The following ZFPM2 variants were observed in gnomAD, a reference collection of about 807,000 sequenced individuals.
ZFPM2 encodes the protein zinc finger protein, FOG family member 2.
In ZFPM2, 20 loss-of-function variants were observed where a neutral mutation model predicts 98.6. That is an observed-to-expected ratio of 0.20 (90% CI 0.14 to 0.29). ZFPM2 has a LOEUF of 0.29. Among genes scored for constraint, ZFPM2 ranks in the 10% least tolerant of loss-of-function variants. ZFPM2 has a pLI of 1.00. For missense variants in ZFPM2, 1,310 were observed against 1,388.6 expected, an observed-to-expected ratio of 0.94 and a Z score of 0.90; for synonymous variants, 518 against 502.7, an observed-to-expected ratio of 1.03 and a Z score of -0.41.
At chr8:105,724,851 T>C (rs1480905992) in intron 5 of ZFPM2, among the ~76,000 whole-genome samples, 1 of 151,726 alleles carries the variant, frequency 6.6e-6, no homozygotes, top group East Asian at 1.9e-4. Flanking sequence ...TTTCTTAATT[T>C]TTTCTATTTC....
chr8:105,439,172 A>G (rs1321384590), intron 2 of ZFPM2, among the ~76,000 whole-genome samples: 1 of 152,214 alleles, frequency 6.6e-6, no homozygotes, highest in Non-Finnish European at 1.5e-5. Flanking sequence ...ATGTAAGGAC[A>G]ATACAGTTAA....
At chr8:105,723,898 C>T (rs964303535) in intron 5 of ZFPM2, among the ~76,000 whole-genome samples, 4 of 151,634 alleles carry the variant, frequency 2.6e-5, no homozygotes, top group African/African-American at 9.7e-5. Flanking sequence ...GACAGATATT[C>T]TTTCTCCTCA....
intron 4 of ZFPM2, among the ~76,000 whole-genome samples, chr8:105,633,350 A>T (rs1393256561): frequency 7.2e-5 from 11 of 152,284 alleles, no homozygotes; most frequent in African/African-American, 2.2e-4. Flanking sequence ...CAGAACATGG[A>T]CTGGAGAACG....
intron 3 of ZFPM2, among the ~76,000 whole-genome samples, chr8:105,546,596 A>C (rs1258604302): frequency 6.6e-6 from 1 of 151,748 alleles, no homozygotes; most frequent in African/African-American, 2.4e-5. Context: ...AAACCCAAAA[A>C]CCACTAAGAT....
At chr8:105,505,939 TC>T (rs1055692729) in intron 3 of ZFPM2, among the ~76,000 whole-genome samples, 3 of 125,912 alleles carry the variant, frequency 2.4e-5, no homozygotes, top group African/African-American at 1.2e-4. Context: ...ATATTGTAAC[TC>T]TTTTTTTAAC....
rs1810850916 is a variant in ZFPM2 at position 105,380,730 on chromosome 8, T to TATATATTATATATATATATTATATATAAC, written c.41-38397_41-38396insATTATATATAACATATATTATATATATAT. ...ATATATATATATATTATATATAACATATATATTATATATATATGTTATATA... is the reference window on the plus strand; with the variant it reads ...ATATATATATATATTATATATAACATATATATTATATATATATATTATATATAACATATATTATATATATATGTTATATA... On this transcript the variant is annotated intron_variant, in intron 1 of 7. Transcript: ENST00000407775. 1.1e-3 allele frequency among the ~76,000 whole-genome samples: 47 copies of TATATATTATATATATATATTATATATAAC among 43,890 alleles called. 4 individuals carry two copies. Among genetic ancestry groups the TATATATTATATATATATATTATATATAAC allele is most frequent in the Non-Finnish European group, 1.5e-3 (42 of 28,488 alleles). The allele number at this position is 43,890 out of a possible 152,430, so 28.8% of individuals were successfully genotyped here.
At chr8:105,625,031 A>G (rs1816626182) in intron 4 of ZFPM2, among the ~76,000 whole-genome samples, 1 of 152,186 alleles carries the variant, frequency 6.6e-6, no homozygotes, top group East Asian at 1.9e-4. Context: ...CTTACAGGAT[A>G]TTTTGTAGAA....
At chr8:105,565,729 C>G (rs1427506939) in intron 4 of ZFPM2, among the ~76,000 whole-genome samples, 1 of 152,100 alleles carries the variant, frequency 6.6e-6, no homozygotes, top group Non-Finnish European at 1.5e-5. Context: ...TGGAAGTGAA[C>G]CCATTGAAAT....
chr8:105,521,317 T>C (rs765348705), intron 3 of ZFPM2, among the ~76,000 whole-genome samples: 3 of 141,830 alleles, frequency 2.1e-5, no homozygotes, highest in Non-Finnish European at 3.0e-5. Context: ...ACCAATAATA[T>C]AGCTCCAGAT....
At chr8:105,619,027 G>A (rs1816476142) in intron 4 of ZFPM2, among the ~76,000 whole-genome samples, 1 of 152,040 alleles carries the variant, frequency 6.6e-6, no homozygotes, top group African/African-American at 2.4e-5. Flanking sequence ...GAGGTGCATG[G>A]ATTAAACCAA....
At chr8:105,358,592 G>T (rs1175473530) in intron 1 of ZFPM2, 1 of 152,216 alleles carries the variant, frequency 6.6e-6, no homozygotes, top group Non-Finnish European at 1.5e-5. Context: ...CAGAATCTCT[G>T]TGTGTGGATC....
At chr8:105,395,431 A>T (rs1811200563) in intron 1 of ZFPM2, among the ~76,000 whole-genome samples, 1 of 152,156 alleles carries the variant, frequency 6.6e-6, no homozygotes, top group African/African-American at 2.4e-5. Flanking sequence ...AGATGGTAGG[A>T]TCCACATTTT....
At chr8:105,555,560 G>A (rs190419711) in intron 3 of ZFPM2, among the ~76,000 whole-genome samples, 18 of 152,148 alleles carry the variant, frequency 1.2e-4, no homozygotes, top group African/African-American at 3.1e-4. Context: ...CAAATATCAT[G>A]TGTCACAAAC....
chr8:105,460,201 C>G (rs77111883), intron 3 of ZFPM2, among the ~76,000 whole-genome samples: 2,853 of 152,208 alleles, frequency 0.019, 104 homozygotes, highest in Admixed American at 0.11. Flanking sequence ...GAAAGGTTTT[C>G]AATAGTGACA....
chr8:105,490,406 G>T (rs552682246), intron 3 of ZFPM2, among the ~76,000 whole-genome samples: 138 of 152,222 alleles, frequency 9.1e-4, no homozygotes, highest in African/African-American at 3.0e-3. Context: ...GCTATATGGA[G>T]TTATTTCTAC....
intron 5 of ZFPM2, among the ~76,000 whole-genome samples, chr8:105,653,783 A>G (rs1447767881): frequency 1.3e-5 from 2 of 149,674 alleles, no homozygotes; most frequent in East Asian, 2.0e-4. Flanking sequence ...GCATGAGCGT[A>G]TCATAAAGGA....
intron 5 of ZFPM2, 79 bp from the exon 6 acceptor site, chr8:105,788,639 G>A: frequency 7.4e-7 from 1 of 1,357,030 alleles, no homozygotes; most frequent in Non-Finnish European, 1.1e-6. Flanking sequence ...ATGAGAAGGT[G>A]CTATGGACAT....
At chr8:105,382,424 A>C (rs563320911) in intron 1 of ZFPM2, among the ~76,000 whole-genome samples, 1 of 152,246 alleles carries the variant, frequency 6.6e-6, no homozygotes, top group Admixed American at 6.5e-5. Flanking sequence ...GGAAATATCA[A>C]ACTATAGAAG....
At chr8:105,517,185 C>T (rs530727640) in intron 3 of ZFPM2, among the ~76,000 whole-genome samples, 1 of 152,254 alleles carries the variant, frequency 6.6e-6, no homozygotes, top group East Asian at 1.9e-4. Context: ...GGGTTTATAA[C>T]TATTATTACC....
Sources: gnomAD v4.1 joint callset for allele counts (sites outside exome capture counted in the v4.1 genomes callset) on GRCh38, gnomAD v4.1.1 for gene constraint, MANE v1.5 for transcripts, NCBI Gene and HGNC (gene_info 2026-07-23, HGNC 2026-07-21) for gene names.